MRPL22: variants seen among roughly 807,000 people sequenced by gnomAD.
The protein encoded by MRPL22 is mitochondrial ribosomal protein L22, also known as large ribosomal subunit protein uL22m.
A neutral mutation model predicts 32.4 loss-of-function variants in MRPL22; 27 were observed. That is an observed-to-expected ratio of 0.83 (90% CI 0.61 to 1.15). The LOEUF (loss-of-function observed/expected upper bound fraction) is 1.15, where lower values mean the gene tolerates loss of function less well. Among genes scored for constraint, MRPL22 ranks in the 50% most tolerant of loss-of-function variants. The probability of loss-of-function intolerance (pLI) is 0.00; values close to 1 mark genes in which losing one functional copy is unlikely to be tolerated. For missense variants in MRPL22, 239 were observed against 260.2 expected (o/e 0.92, Z 0.56); for synonymous variants, 86 against 87.3 (o/e 0.99, Z 0.08).
Position 154,956,531 on chromosome 5 carries a change from A to G in MRPL22, c.261+95A>G, listed in dbSNP as rs190446268. 248 of 790,388 alleles carry G rather than the reference A, an allele frequency of 3.1e-4. No individual in the cohort carries two copies. The African/African-American group carries it at 4.2e-3, about 13-fold the overall frequency. The allele number at this position is 790,388 out of a possible 1,614,324, so 49.0% of individuals were successfully genotyped here. The stretch of plus-strand genomic sequence containing the variant: ...CCTCACCCCAGGATTTGAAAAATAA[A>G]AAAGATTTGTGAGGAATGTGATATA... On this transcript the variant is annotated intron_variant, in intron 4 of 6. Transcript: ENST00000523037.
chr5:154,941,449 G>C (rs1176224370), intron 2 of MRPL22, among the ~76,000 whole-genome samples, 184 bp downstream of exon 2: 1 of 152,142 alleles, frequency 6.6e-6, no homozygotes, highest in Non-Finnish European at 1.5e-5. Context: ...AAACTGTACA[G>C]GGATCAGGAT....
intron 2 of MRPL22, 98 bp downstream of exon 2, chr5:154,941,363 C>G: frequency 2.0e-6 from 3 of 1,486,198 alleles, no homozygotes; most frequent in Non-Finnish European, 2.8e-6. Flanking sequence ...GTGTTTTAGG[C>G]TCTGGGGTTA....
At chr5:154,966,269 A>G (rs1456355234) in intron 6 of MRPL22, among the ~76,000 whole-genome samples, 1 of 152,232 alleles carries the variant, frequency 6.6e-6, no homozygotes, top group African/African-American at 2.4e-5. Context: ...AGATATTCAA[A>G]TAGATGATTC....
At position 154,962,243 on chromosome 5, in the gene MRPL22, T is replaced by C. The variant is rs182250374; in HGVS notation, c.409+2194T>C. The stretch of plus-strand genomic sequence containing the variant: ...TTGCCAAGCTGCTTCTTAAGAATCA[T>C]CTTGAGGTTGTTATTTAAAATATAG... On this transcript the variant is annotated intron_variant, in intron 6 of 6. Coordinates refer to ENST00000523037, the MANE Select transcript of MRPL22 (RefSeq NM_014180.4). Among the ~76,000 whole-genome samples the C allele has an allele frequency of 2.8e-4, 42 of 152,302 alleles. No homozygotes were observed. In the East Asian group the frequency reaches 7.7e-3, roughly 28 times the overall value.
intron 5 of MRPL22, chr5:154,958,975 G>A (rs961164776): frequency 4.6e-5 from 7 of 152,144 alleles, no homozygotes; most frequent in Admixed American, 1.3e-4. Context: ...CTTGTCTGAT[G>A]TTAATGGTTA....
intron 2 of MRPL22, among the ~76,000 whole-genome samples, chr5:154,943,496 T>G (rs577967743): frequency 1.3e-5 from 2 of 152,044 alleles, no homozygotes; most frequent in Non-Finnish European, 2.9e-5. Flanking sequence ...CAGTAGAGTG[T>G]ATTCCTCATC....
chr5:154,952,936 A>T (rs903531205), intron 3 of MRPL22, among the ~76,000 whole-genome samples: 4 of 152,216 alleles, frequency 2.6e-5, no homozygotes, highest in Non-Finnish European at 5.9e-5. Context: ...ATAAAAATGA[A>T]TGTTACCAAT....
chr5:154,966,857 T>C lies in MRPL22; in HGVS notation c.581T>C (p.Ile194Thr), dbSNP rs2113017237. 1 of 1,614,030 alleles carries C rather than the reference T, an allele frequency of 6.2e-7. No individual in the cohort carries two copies. The highest frequency in any genetic ancestry group is 1.1e-5 in the South Asian group (1 of 91,086). ...GCAGTTGCCCATGCCAAAGAGTATA[T>C]TCAGCAGCTTCGCAGCCGGACCATC... ...KTAVAHAKEY[I>T]QQLRSRTIVH... Residue 194 changes from isoleucine (I) to threonine (T), a missense_variant, in exon 7 of 7, where the codon ATT becomes ACT. Coordinates refer to ENST00000523037, the MANE Select transcript of MRPL22 (RefSeq NM_014180.4).
Position 154,957,145 on chromosome 5 carries a change from T to G in MRPL22, c.272T>G (p.Met91Arg), listed in dbSNP as rs779709787. The G allele has an allele frequency of 7.4e-6, 12 of 1,612,682 alleles. No homozygotes were observed. In the South Asian group the frequency reaches 1.2e-4, roughly 16 times the overall value. The stretch of plus-strand genomic sequence containing the variant: ...ACCCTTTAATTCTAGATACGAGGAA[T>G]GTCTATTGACCAGGCTTTGGCTCAG... The part of the protein sequence containing the change: ...MWYLAKLIRG[M>R]SIDQALAQLE... Residue 91 changes from methionine to arginine, a missense_variant, in exon 5 of 7, where the codon ATG becomes AGG. Coordinates refer to ENST00000523037, the MANE Select transcript of MRPL22 (RefSeq NM_014180.4).
At chr5:154,962,842 A>G (rs1002274050) in intron 6 of MRPL22, among the ~76,000 whole-genome samples, 1 of 152,202 alleles carries the variant, frequency 6.6e-6, no homozygotes, top group Non-Finnish European at 1.5e-5. Flanking sequence ...AGAGTGATGA[A>G]GGTGGGAGCG....
rs754075824 is a variant in MRPL22, at chr5:154,950,801, A to G, written c.78-20A>G. 22 of 1,510,504 alleles carry G rather than the reference A, an allele frequency of 1.5e-5. No individual in the cohort carries two copies. Among genetic ancestry groups the G allele is most frequent in the Non-Finnish European group, 2.0e-5 (22 of 1,086,666 alleles). The allele number at this position is 1,510,504 out of a possible 1,614,324, so 93.6% of individuals were successfully genotyped here. A position where few individuals can be genotyped will look rare whatever the true frequency, so the allele number is the denominator to read the frequency against. Reference sequence around the variant, plus strand: ...GTCCCCTAAGTGTCTGTTGTTTTATAGGCTTCTTTCATTTCACAGTGTTTT... The same window carrying G: ...GTCCCCTAAGTGTCTGTTGTTTTATGGGCTTCTTTCATTTCACAGTGTTTT... On this transcript the variant is annotated intron_variant, in intron 2 of 6. Transcript: ENST00000523037.
At chr5:154,958,323 C>A (rs1048105650) in intron 5 of MRPL22, among the ~76,000 whole-genome samples, 4 of 151,972 alleles carry the variant, frequency 2.6e-5, no homozygotes, top group African/African-American at 9.7e-5. Flanking sequence ...TTAATTCTCA[C>A]CAAAAGTCAG....
intron 2 of MRPL22, among the ~76,000 whole-genome samples, chr5:154,946,253 T>C (rs1764489436): frequency 6.6e-6 from 1 of 152,084 alleles, no homozygotes; most frequent in South Asian, 2.1e-4. Flanking sequence ...AGAGATAGAA[T>C]TAAGGTTAGG....
chr5:154,963,876 A>T (rs139004147), intron 6 of MRPL22, among the ~76,000 whole-genome samples: 34 of 152,328 alleles, frequency 2.2e-4, no homozygotes, highest in African/African-American at 7.9e-4. Context: ...GGGAGTCTGG[A>T]GGAATGCTCT....
chr5:154,958,055 T>C (rs1024710866), intron 5 of MRPL22, among the ~76,000 whole-genome samples: 28 of 151,816 alleles, frequency 1.8e-4, no homozygotes, highest in Non-Finnish European at 2.2e-4. Context: ...TAGCTGGGAC[T>C]ACAGCTGCGC....
At chr5:154,945,776 A>G (rs1000199325) in intron 2 of MRPL22, among the ~76,000 whole-genome samples, 3 of 152,098 alleles carry the variant, frequency 2.0e-5, no homozygotes, top group Admixed American at 1.3e-4. Flanking sequence ...TACTTAGGTC[A>G]CTCTCAGATG....
chr5:154,961,748 G>A lies in MRPL22; in HGVS notation c.409+1699G>A, dbSNP rs367619493. Among the ~76,000 whole-genome samples, 23 of 152,206 alleles carry A rather than the reference G, an allele frequency of 1.5e-4. No homozygotes were observed. The East Asian group carries it at 4.3e-3, about 28-fold the overall frequency. On this transcript the variant is annotated intron_variant, in intron 6 of 6. Transcript: ENST00000523037. ...GTCACTCAGGCTGGAGTGCAGTGGT[G>A]TGATCACAGCTCACTGCAGCTTTGA...
At chr5:154,955,509 C>G (rs1009074202) in intron 3 of MRPL22, 18 of 152,184 alleles carry the variant, frequency 1.2e-4, no homozygotes, top group African/African-American at 4.1e-4. Context: ...GTGTATCATA[C>G]TTCTCTGTTC....
At chr5:154,952,764 T>C in intron 3 of MRPL22, among the ~76,000 whole-genome samples, 1 of 152,202 alleles carries the variant, frequency 6.6e-6, no homozygotes, top group African/African-American at 2.4e-5. Flanking sequence ...CCTTAGAATT[T>C]CCAATCTGCC....
Sources: allele counts gnomAD v4.1 joint callset (sites outside exome capture counted in the v4.1 genomes callset), GRCh38; gene constraint gnomAD v4.1.1; transcripts MANE v1.5; gene names NCBI Gene and HGNC (gene_info 2026-07-23, HGNC 2026-07-21).